TTC6: variants seen among roughly 807,000 people sequenced by gnomAD.
The protein encoded by TTC6 is tetratricopeptide repeat domain 6.
TTC6 carries 172 observed loss-of-function variants against 210.4 expected under a neutral mutation model. The observed-to-expected ratio is 0.82, with a 90% CI of 0.72 to 0.93. TTC6 has a LOEUF of 0.93. TTC6 is among the 40% of genes least tolerant of loss of function. The pLI is 0.00. For missense variants in TTC6, 2,414 were observed against 2,318.1 expected, an observed-to-expected ratio of 1.04 and a Z score of -0.85; for synonymous variants, 804 against 819.6, an observed-to-expected ratio of 0.98 and a Z score of 0.32.
At chr14:37,841,833 A>G (rs915780545) in intron 30 of TTC6, 163 bp downstream of exon 32, 14 of 669,914 alleles carry the variant, frequency 2.1e-5, no homozygotes, top group Middle Eastern at 4.2e-4. Context: ...AGGTTCCTTT[A>G]TGTAATGTCT....
intron 28 of TTC6, among the ~76,000 whole-genome samples, chr14:37,826,558 A>G (rs1205340944): frequency 1.3e-5 from 2 of 152,140 alleles, no homozygotes; most frequent in African/African-American, 4.8e-5. Flanking sequence ...AAGTTCTGAT[A>G]AATGTTGATC....
At chr14:37,727,962 A>G (rs976545951) in intron 7 of TTC6, among the ~76,000 whole-genome samples, 2 of 152,152 alleles carry the variant, frequency 1.3e-5, no homozygotes, top group African/African-American at 4.8e-5. Flanking sequence ...ATTTGTTATC[A>G]CTTTGATATT....
intron 7 of TTC6, among the ~76,000 whole-genome samples, chr14:37,725,651 T>C (rs1022579196): frequency 6.6e-6 from 1 of 151,792 alleles, no homozygotes; most frequent in African/African-American, 2.4e-5. Flanking sequence ...TGCCTGGCCA[T>C]AGTTTTATAT....
chr14:37,807,351 TA>T lies in TTC6; in HGVS notation c.4350del (p.Gly1451AlafsTer8). The T allele has an allele frequency of 6.5e-7, 1 of 1,530,466 alleles. No individual in the cohort carries two copies. The highest frequency in any genetic ancestry group is 1.2e-5 in the South Asian group (1 of 83,428). The allele number at this position is 1,530,466 out of a possible 1,614,324, so 94.8% of individuals were successfully genotyped here. A position where few individuals can be genotyped will look rare whatever the true frequency, so the allele number is the denominator to read the frequency against. ...TTAAGCCGAGTAGCATTCTATGGTT[TA>T]AAAGGCAGGTATTCCAAAGCAATCT... On this transcript the variant is annotated frameshift_variant, in exon 23 of 31. Coordinates refer to ENST00000553443, the Ensembl canonical transcript of TTC6. LOFTEE classifies it high-confidence loss of function.
chr14:37,745,014 A>C lies in TTC6; in HGVS notation c.2364-3925A>C, dbSNP rs749535707. ...ATATGGGATACACACACACACACAC[A>C]CCCACACACACACATATACACACGT... On this transcript the variant is annotated intron_variant, in intron 10 of 30. Transcript: ENST00000553443. Among the ~76,000 whole-genome samples, 4 of 152,050 alleles carry C rather than the reference A, an allele frequency of 2.6e-5. No homozygotes were observed. The East Asian group carries it at 5.8e-4, about 22-fold the overall frequency.
intron 14 of TTC6, among the ~76,000 whole-genome samples, chr14:37,768,421 T>C (rs1410632907): frequency 2.6e-5 from 4 of 151,996 alleles, no homozygotes; most frequent in African/African-American, 9.7e-5. Context: ...TATTGATTCT[T>C]CCTACCCATG....
At chr14:37,778,770 C>A (rs997827379) in intron 14 of TTC6, among the ~76,000 whole-genome samples, 1 of 152,114 alleles carries the variant, frequency 6.6e-6, no homozygotes, top group South Asian at 2.1e-4. Context: ...GCATCTGAGG[C>A]TGCACTATGA....
chr14:37,826,542 A>C (rs1163590338), intron 28 of TTC6, among the ~76,000 whole-genome samples, 195 bp downstream of exon 30: 1 of 152,010 alleles, frequency 6.6e-6, no homozygotes, highest in Non-Finnish European at 1.5e-5. Flanking sequence ...ATGCACTAAA[A>C]CCCCAAAGTT....
intron 14 of TTC6, among the ~76,000 whole-genome samples, chr14:37,756,704 G>T (rs1297342035): frequency 6.6e-6 from 1 of 152,160 alleles, no homozygotes; most frequent in Non-Finnish European, 1.5e-5. Context: ...AGCCGACTCA[G>T]TCATGGTGGA....
chr14:37,806,782 A>G (rs1245406557), intron 22 of TTC6, among the ~76,000 whole-genome samples: 1 of 152,176 alleles, frequency 6.6e-6, no homozygotes, highest in African/African-American at 2.4e-5. Flanking sequence ...TTATATACTC[A>G]TTAATTTTAC....
At chr14:37,753,199 C>G (rs1243061522) in exon 14 of TTC6, 3 of 1,534,628 alleles carry the variant, frequency 2.0e-6, no homozygotes, top group Non-Finnish European at 2.6e-6. Context: ...GATTTTACAG[C>G]CTTGTTAAAT....
At chr14:37,605,895 GTT>G (rs200989659) in intron 1 of TTC6, among the ~76,000 whole-genome samples, 3,815 of 145,254 alleles carry the variant, frequency 0.026, 160 homozygotes, top group African/African-American at 0.09. Context: ...TTATTCACAG[GTT>G]TTTTTTTTTT....
chr14:37,611,038 G>A (rs898334415), intron 2 of TTC6, among the ~76,000 whole-genome samples: 1 of 152,246 alleles, frequency 6.6e-6, no homozygotes, highest in Non-Finnish European at 1.5e-5. Flanking sequence ...GGCTCTTCGG[G>A]AGCAGCGTCT....
intron 1 of TTC6, among the ~76,000 whole-genome samples, chr14:37,599,898 C>A (rs7149145): frequency 0.022 from 3,390 of 152,232 alleles, 134 homozygotes; most frequent in African/African-American, 0.077. Context: ...CGTTGTGGCC[C>A]CCGAGTTACT....
exon 1 of TTC6, chr14:37,622,318 C>T (rs1459843826): frequency 6.5e-7 from 1 of 1,533,684 alleles, no homozygotes; most frequent in Non-Finnish European, 8.7e-7. Context: ...CCTGCGATGT[C>T]CGCGGCCGCC....
intron 6 of TTC6, among the ~76,000 whole-genome samples, chr14:37,716,649 T>C (rs897178937): frequency 6.6e-6 from 1 of 152,066 alleles, no homozygotes; most frequent in Non-Finnish European, 1.5e-5. Context: ...TTAAAAAATA[T>C]ATGCATCAGA....
chr14:37,728,383 C>T (rs1200356765), intron 7 of TTC6, among the ~76,000 whole-genome samples: 1 of 149,800 alleles, frequency 6.7e-6, no homozygotes, highest in East Asian at 2.0e-4. Flanking sequence ...AGTTGGAGAC[C>T]AACCTGGCCA....
chr14:37,603,241 C>T (rs900547188), intron 1 of TTC6, among the ~76,000 whole-genome samples: 1 of 152,200 alleles, frequency 6.6e-6, no homozygotes, highest in Non-Finnish European at 1.5e-5. Context: ...CAGCCAGGCC[C>T]TCTGTGCCTC....
In TTC6 at chr14:37,721,969, A is replaced by G. The variant is rs1303619233; in HGVS notation, c.1714-2929A>G. 3.3e-5 allele frequency among the ~76,000 whole-genome samples: 5 copies of G among 149,688 alleles called. No homozygotes were observed. In the East Asian group the frequency reaches 7.8e-4, roughly 23 times the overall value. On this transcript the variant is annotated intron_variant, in intron 6 of 30. Transcript: ENST00000553443. ...TTTCCCCCTCAGTGCAAATGTTAAC[A>G]TAGTGAAAAAGGCAAATAATCTCCC...
Sources: allele counts gnomAD v4.1 joint callset (sites outside exome capture counted in the v4.1 genomes callset), GRCh38; gene constraint gnomAD v4.1.1; transcripts MANE v1.5; gene names NCBI Gene and HGNC (gene_info 2026-07-23, HGNC 2026-07-21).